RAB3GAP1: variants seen among roughly 807,000 people sequenced by gnomAD.
RAB3GAP1 encodes RAB3 GTPase activating protein catalytic subunit 1, also known as rab3 GTPase-activating protein catalytic subunit.
RAB3GAP1 carries 86 observed loss-of-function variants against 130.7 expected under a neutral mutation model. The observed-to-expected ratio is 0.66, with a 90% CI of 0.55 to 0.79. RAB3GAP1 has a LOEUF of 0.79. Ranked by LOEUF, RAB3GAP1 falls within the 30% of genes least tolerant of loss-of-function variation. The pLI, the probability that RAB3GAP1 is intolerant of heterozygous loss-of-function variation, is 0.00. For missense variants in RAB3GAP1, 1,029 were observed against 1,169.4 expected, an observed-to-expected ratio of 0.88 and a Z score of 1.75; for synonymous variants, 367 against 401.7, an observed-to-expected ratio of 0.91 and a Z score of 1.03.
chr2:135,064,549 A>G (rs1424827329), intron 3 of RAB3GAP1, among the ~76,000 whole-genome samples: 4 of 152,072 alleles, frequency 2.6e-5, no homozygotes, highest in African/African-American at 7.2e-5. Context: ...AAAACTTCCA[A>G]TTCTCTGAGA....
At chr2:135,055,226 A>G (rs1437034040) in intron 2 of RAB3GAP1, among the ~76,000 whole-genome samples, 1 of 152,214 alleles carries the variant, frequency 6.6e-6, no homozygotes, top group Non-Finnish European at 1.5e-5. Context: ...AGAGGGACCT[A>G]ATATAGAATA....
intron 3 of RAB3GAP1, among the ~76,000 whole-genome samples, chr2:135,080,713 T>A (rs1689769750): frequency 6.6e-6 from 1 of 152,214 alleles, no homozygotes; most frequent in South Asian, 2.1e-4. Context: ...TGACAGTTCT[T>A]AGGTAGTTGA....
chr2:135,103,639 A>G (rs1690514365), intron 5 of RAB3GAP1, among the ~76,000 whole-genome samples: 1 of 152,068 alleles, frequency 6.6e-6, no homozygotes, highest in Non-Finnish European at 1.5e-5. Flanking sequence ...TCTCTAATCT[A>G]TGTTGGTGAT....
At chr2:135,104,727 T>C (rs1403492082) in intron 5 of RAB3GAP1, among the ~76,000 whole-genome samples, 1 of 151,048 alleles carries the variant, frequency 6.6e-6, no homozygotes, top group Non-Finnish European at 1.5e-5. Context: ...AATAAATAAA[T>C]AAATAAATAA....
At position 135,107,935 on chromosome 2, in the gene RAB3GAP1, A is replaced by G. The variant is rs369751444; in HGVS notation, c.363-5216A>G. On this transcript the variant is annotated intron_variant, in intron 5 of 23. Transcript: ENST00000264158. ...GGTTGCAGTGAGCCGACATTGTGCC[A>G]TTGCACTCCAGCCTGGGCAAGAAGA... is the stretch of plus-strand genomic sequence containing the variant. 2.3e-4 allele frequency among the ~76,000 whole-genome samples: 30 copies of G among 132,842 alleles called. No homozygotes were observed. The South Asian group carries it at 6.4e-3, about 29-fold the overall frequency. 87.1% of individuals were successfully genotyped at this position (132,842 alleles called of 152,430 possible).
At chr2:135,063,172 T>A (rs957063490) in intron 3 of RAB3GAP1, among the ~76,000 whole-genome samples, 1 of 152,172 alleles carries the variant, frequency 6.6e-6, no homozygotes, top group Non-Finnish European at 1.5e-5. Context: ...GAGTAAATTA[T>A]TTTTTTAGTT....
intron 7 of RAB3GAP1, among the ~76,000 whole-genome samples, chr2:135,117,228 C>T (rs1358245204): frequency 6.6e-6 from 1 of 152,168 alleles, no homozygotes; most frequent in Non-Finnish European, 1.5e-5. Flanking sequence ...CAAAAACCTT[C>T]TGGGCTCTGA....
At chr2:135,106,030 G>A (rs1171185814) in intron 5 of RAB3GAP1, among the ~76,000 whole-genome samples, 10 of 151,472 alleles carry the variant, frequency 6.6e-5, no homozygotes, top group African/African-American at 2.4e-4. Context: ...GAGCCCCTCC[G>A]CCCGGCAGCC....
chr2:135,149,646 A>C (rs1692111826), intron 17 of RAB3GAP1, among the ~76,000 whole-genome samples: 1 of 152,132 alleles, frequency 6.6e-6, no homozygotes, highest in Admixed American at 6.5e-5. Context: ...ACCAGAGATG[A>C]TCATTGTTAG....
At chr2:135,162,534 T>C in intron 19 of RAB3GAP1, 21 bp from the exon 20 acceptor site, 1 of 1,590,534 alleles carries the variant, frequency 6.3e-7, no homozygotes, top group Non-Finnish European at 8.6e-7. Flanking sequence ...TGATCATTTG[T>C]GTGCGCTGCA....
chr2:135,126,391 C>G, intron 10 of RAB3GAP1, 142 bp downstream of exon 10: 1 of 883,806 alleles, frequency 1.1e-6, no homozygotes, highest in East Asian at 2.6e-5. Flanking sequence ...TGTCTAAGGA[C>G]TTTGATTTCT....
At chr2:135,120,674 C>T in intron 7 of RAB3GAP1, 145 bp from the exon 8 acceptor site, 1 of 728,510 alleles carries the variant, frequency 1.4e-6, no homozygotes, top group Non-Finnish European at 2.5e-6. Flanking sequence ...AGAATATGCA[C>T]ACTATTGTTT....
intron 3 of RAB3GAP1, among the ~76,000 whole-genome samples, chr2:135,077,852 G>A (rs1013912790): frequency 4.6e-5 from 7 of 152,082 alleles, no homozygotes; most frequent in Admixed American, 3.9e-4. Flanking sequence ...TATGTTCTTT[G>A]GAGAAATGTT....
chr2:135,098,937 G>A (rs1438773648), intron 5 of RAB3GAP1, among the ~76,000 whole-genome samples: 1 of 151,906 alleles, frequency 6.6e-6, no homozygotes, highest in East Asian at 1.9e-4. Context: ...TCATTTCTTT[G>A]GGATTTTCTA....
At chr2:135,080,800 C>T (rs993734193) in intron 3 of RAB3GAP1, among the ~76,000 whole-genome samples, 1 of 152,056 alleles carries the variant, frequency 6.6e-6, no homozygotes, top group Non-Finnish European at 1.5e-5. Flanking sequence ...CTGAATTTCC[C>T]CTGTGGAATG....
intron 17 of RAB3GAP1, among the ~76,000 whole-genome samples, chr2:135,142,998 A>T (rs1431198041): frequency 6.6e-6 from 1 of 151,572 alleles, no homozygotes; most frequent in African/African-American, 2.4e-5. Flanking sequence ...ACAAATTTGT[A>T]TAAATAAGAT....
intron 3 of RAB3GAP1, among the ~76,000 whole-genome samples, chr2:135,075,559 TGAA>T (rs1416668479): frequency 6.6e-6 from 1 of 152,208 alleles, no homozygotes; most frequent in African/African-American, 2.4e-5. Flanking sequence ...ATGTTCCTAT[TGAA>T]GAATATTTAC....
intron 7 of RAB3GAP1, among the ~76,000 whole-genome samples, chr2:135,119,257 C>G (rs1172916736): frequency 3.3e-5 from 5 of 152,062 alleles, no homozygotes; most frequent in African/African-American, 1.2e-4. Context: ...TACAGGCGCG[C>G]ACCACTACTG....
chr2:135,138,239 A>G (rs6706466), intron 17 of RAB3GAP1, among the ~76,000 whole-genome samples: 46,192 of 149,832 alleles, frequency 0.31, 10,831 homozygotes, highest in African/African-American at 0.65. Flanking sequence ...GAGCCCAGGA[A>G]TTCAAGACCA....
Sources: gnomAD v4.1 joint callset for allele counts (sites outside exome capture counted in the v4.1 genomes callset) on GRCh38, gnomAD v4.1.1 for gene constraint, MANE v1.5 for transcripts, NCBI Gene and HGNC (gene_info 2026-07-23, HGNC 2026-07-21) for gene names.